USP37: variants seen among roughly 807,000 people sequenced by gnomAD.
USP37 encodes the protein ubiquitin specific peptidase 37.
Under a neutral mutation model 124.0 loss-of-function variants are expected in USP37, and 27 were observed. That is an observed-to-expected ratio of 0.22 (90% confidence interval 0.16 to 0.30). The LOEUF (loss-of-function observed/expected upper bound fraction) is 0.30. Ranked by LOEUF, USP37 falls within the 10% of genes least tolerant of loss-of-function variation. The probability of loss-of-function intolerance (pLI) is 1.00; values close to 1 mark genes in which losing one functional copy is unlikely to be tolerated. For missense variants in USP37, 889 were observed against 1,140.4 expected, an observed-to-expected ratio of 0.78 and a Z score of 3.17; for synonymous variants, 365 against 388.0, an observed-to-expected ratio of 0.94 and a Z score of 0.70.
intron 11 of USP37, among the ~76,000 whole-genome samples, chr2:218,503,664 G>A (rs1482131023): frequency 2.0e-5 from 3 of 152,112 alleles, no homozygotes; most frequent in African/African-American, 7.2e-5. Flanking sequence ...GCAGTGAGCC[G>A]AGATCGCACC....
At chr2:218,489,357 C>T (rs1252782188) in intron 14 of USP37, among the ~76,000 whole-genome samples, 1 of 123,594 alleles carries the variant, frequency 8.1e-6, no homozygotes, top group South Asian at 2.7e-4. Flanking sequence ...GACTCTGTCT[C>T]AAAAAAAAAA....
chr2:218,477,064 C>T (rs1691021030), intron 18 of USP37, 83 bp from the exon 19 acceptor site: 8 of 1,372,340 alleles, frequency 5.8e-6, no homozygotes, highest in Middle Eastern at 4.6e-4. Context: ...AAACAAATTG[C>T]TTTTCCATTA....
intron 10 of USP37, among the ~76,000 whole-genome samples, chr2:218,524,772 C>G (rs1008369039): frequency 6.6e-6 from 1 of 152,058 alleles, no homozygotes; most frequent in Non-Finnish European, 1.5e-5. Context: ...ACCACGCCTG[C>G]CTAATTTTTG....
chr2:218,548,527 A>G (rs1692497566), intron 6 of USP37, among the ~76,000 whole-genome samples: 1 of 151,496 alleles, frequency 6.6e-6, no homozygotes, highest in Non-Finnish European at 1.5e-5. Flanking sequence ...TTTTTTTTGT[A>G]GAGACAGGGT....
intron 1 of USP37, among the ~76,000 whole-genome samples, chr2:218,563,873 G>GTCTCGAACACATTGAGACCACAATGTGT (rs1301472056): frequency 3.9e-5 from 6 of 152,036 alleles, no homozygotes; most frequent in South Asian, 2.1e-4. Context: ...GGCCAATGTG[G>GTCTCGAACACATTGAGACCACAATGTGT]TCTCGAACAC....
At chr2:218,517,309 C>G (rs1341958235) in intron 10 of USP37, among the ~76,000 whole-genome samples, 1 of 152,180 alleles carries the variant, frequency 6.6e-6, no homozygotes, top group Non-Finnish European at 1.5e-5. Flanking sequence ...TCAAGATAGA[C>G]AGCATATTAA....
chr2:218,470,935 A>C (rs1042666991), intron 20 of USP37, among the ~76,000 whole-genome samples: 2 of 152,228 alleles, frequency 1.3e-5, no homozygotes, highest in African/African-American at 4.8e-5. Flanking sequence ...CTCTGAGATG[A>C]GAATGGCCTT....
intron 10 of USP37, among the ~76,000 whole-genome samples, chr2:218,524,318 T>C (rs760861972): frequency 3.3e-5 from 5 of 152,222 alleles, no homozygotes; most frequent in Admixed American, 6.5e-5. Flanking sequence ...AAGACTAGTC[T>C]TGAACTCCTG....
intron 4 of USP37, among the ~76,000 whole-genome samples, chr2:218,554,183 G>A (rs891780510): frequency 6.6e-6 from 1 of 152,086 alleles, no homozygotes; most frequent in African/African-American, 2.4e-5. Flanking sequence ...CATATAGCAG[G>A]TCCTCAAATA....
chr2:218,467,773 C>T (rs1690434402), intron 20 of USP37, among the ~76,000 whole-genome samples: 1 of 152,102 alleles, frequency 6.6e-6, no homozygotes, highest in Middle Eastern at 3.2e-3. Context: ...CGTGAGCCAC[C>T]CCTCCCGGCC....
At chr2:218,523,019 T>A (rs1690745573) in intron 10 of USP37, among the ~76,000 whole-genome samples, 1 of 152,122 alleles carries the variant, frequency 6.6e-6, no homozygotes, top group Admixed American at 6.5e-5. Context: ...CTTACGCTTG[T>A]AATCCCAGCA....
chr2:218,567,538 C>T (rs754858319), intron 1 of USP37, among the ~76,000 whole-genome samples: 10 of 152,186 alleles, frequency 6.6e-5, no homozygotes, highest in Non-Finnish European at 1.3e-4. Context: ...TCAGGTATCT[C>T]TTCCAGTTAG....
intron 5 of USP37, among the ~76,000 whole-genome samples, chr2:218,553,298 T>C (rs182579169): frequency 1.3e-5 from 2 of 152,318 alleles, no homozygotes; most frequent in African/African-American, 2.4e-5. Context: ...GAAAGAGTGT[T>C]GGATTTTGTC....
At chr2:218,516,181 T>C (rs993984383) in intron 10 of USP37, among the ~76,000 whole-genome samples, 4 of 152,258 alleles carry the variant, frequency 2.6e-5, no homozygotes, top group African/African-American at 9.6e-5. Context: ...GCAATCCCAT[T>C]ACTGGGTATA....
chr2:218,457,883 T>C (rs1689776363), intron 23 of USP37, among the ~76,000 whole-genome samples: 1 of 151,264 alleles, frequency 6.6e-6, no homozygotes, highest in South Asian at 2.1e-4. Context: ...CTGTCTCTAC[T>C]AAAAAAACAC....
chr2:218,532,928 C>CA (rs201796516), intron 9 of USP37, among the ~76,000 whole-genome samples: 85 of 138,852 alleles, frequency 6.1e-4, no homozygotes, highest in Non-Finnish European at 7.5e-4. Flanking sequence ...GACCCTATCT[C>CA]AAAAAAAAAA....
chr2:218,464,298 C>T (rs540628955), intron 21 of USP37, among the ~76,000 whole-genome samples: 4 of 151,740 alleles, frequency 2.6e-5, no homozygotes, highest in East Asian at 3.9e-4. Flanking sequence ...ACAGCAGTAG[C>T]GTGATCTTGG....
At chr2:218,505,390 T>C (rs1689624090) in intron 11 of USP37, among the ~76,000 whole-genome samples, 1 of 152,200 alleles carries the variant, frequency 6.6e-6, no homozygotes, top group African/African-American at 2.4e-5. Context: ...TAACTGAATA[T>C]ATGAAATGTT....
chr2:218,516,416 C>T (rs1324779551), intron 10 of USP37, among the ~76,000 whole-genome samples: 2 of 152,098 alleles, frequency 1.3e-5, no homozygotes, highest in Non-Finnish European at 2.9e-5. Flanking sequence ...TGGAAACCAT[C>T]ATTCTCAGCA....
Sources: gnomAD v4.1 joint callset for allele counts (sites outside exome capture counted in the v4.1 genomes callset) on GRCh38, gnomAD v4.1.1 for gene constraint, MANE v1.5 for transcripts, NCBI Gene and HGNC (gene_info 2026-07-23, HGNC 2026-07-21) for gene names.